Variants in APBB1 observed in about 807,000 individuals in gnomAD.
The protein encoded by APBB1 is amyloid beta precursor protein binding family B member 1.
Under a neutral mutation model 78.4 loss-of-function variants are expected in APBB1, and 22 were observed. The observed-to-expected ratio is 0.28, with a 90% CI of 0.20 to 0.40. The LOEUF is 0.40. Ranked by LOEUF, APBB1 falls within the 10% of genes least tolerant of loss-of-function variation. The probability of loss-of-function intolerance (pLI) is 1.00; values close to 1 mark genes in which losing one functional copy is unlikely to be tolerated. For synonymous variants in APBB1, 369 were observed against 372.7 expected, an observed-to-expected ratio of 0.99 and a Z score of 0.12; for missense variants, 749 against 932.4, an observed-to-expected ratio of 0.80 and a Z score of 2.56.
Position 6,395,991 on chromosome 11 carries a change from A to G in APBB1, c.1789-29T>C. ...CATGGAGGGAACTCAGTTAAAAAGG[A>G]ACACCAACCCCACACTGTGTTCCAC... On this transcript the variant is annotated intron_variant, in intron 13 of 14. Transcript: ENST00000609360. This position sits in a 1 kb window ranked among gnomAD's most constrained non-coding sequence, Gnocchi z 5.2. 1 of 1,609,922 alleles carries G rather than the reference A, an allele frequency of 6.2e-7. No homozygotes were observed. Among genetic ancestry groups the G allele is most frequent in the African/African-American group, 1.3e-5 (1 of 74,930 alleles).
Position 6,402,308 on chromosome 11 carries a change from C to T in APBB1, c.1255-99G>A, listed in dbSNP as rs373658938. On this transcript the variant is annotated intron_variant, in intron 7 of 14. Transcript: ENST00000609360. ...GGGGATGTTAGCCACAGCTCTGGGG[C>T]CCCTGCTTTGGTGTCAGACCGCCCG... is the stretch of plus-strand genomic sequence containing the variant. 2.9e-5 allele frequency: 44 copies of T among 1,535,830 alleles called. 2 individuals are homozygous for T. Among genetic ancestry groups the T allele is most frequent in the South Asian group, 2.1e-4 (17 of 80,870 alleles).
At chr11:6,406,252 A>ATTCC (rs951898507) in intron 2 of APBB1, among the ~76,000 whole-genome samples, 2 of 152,214 alleles carry the variant, frequency 1.3e-5, no homozygotes, top group Non-Finnish European at 2.9e-5. Flanking sequence ...TTCACGTATC[A>ATTCC]TTCCTTCCTT....
rs575960666 is a variant in APBB1, at chr11:6,396,767, A to G, written c.1673-552T>C. Among the ~76,000 whole-genome samples, 6 of 152,336 alleles carry G rather than the reference A, an allele frequency of 3.9e-5. No homozygotes were observed. In the East Asian group the frequency reaches 1.2e-3, roughly 29 times the overall value. ...TTACAAATAAGGAAACGGAAGAGAT[A>G]GGTAATATGCCTTAGGTCACATCGA... On this transcript the variant is annotated intron_variant, in intron 12 of 14. Coordinates refer to ENST00000609360, the MANE Select transcript of APBB1 (RefSeq NM_001164.5).
At chr11:6,402,398 G>A in intron 7 of APBB1, 178 bp downstream of exon 7, 1 of 1,103,602 alleles carries the variant, frequency 9.1e-7, no homozygotes, top group Non-Finnish European at 1.3e-6. Flanking sequence ...CCGTTGTTAG[G>A]CGACTATCTC....
In APBB1 at chr11:6,402,113, G is replaced by A. The variant is rs200508948; in HGVS notation, c.1351C>T (p.Arg451Cys). ...LLHAQPIISIRVWGVGRDSGR... is the reference protein window; with the variant it reads ...LLHAQPIISICVWGVGRDSGR... Reference sequence around the variant, plus strand: ...CTGTCCCGCCCGACGCCCCACACGCGGATGCTGATGATGGGTTGGGCGTGC... The same window carrying A: ...CTGTCCCGCCCGACGCCCCACACGCAGATGCTGATGATGGGTTGGGCGTGC... Residue 451 changes from arginine to cysteine, a missense_variant, in exon 8 of 15, where the codon CGC becomes TGC. Around this residue, in one of 3 missense-constraint regions of APBB1, gnomAD observed 635 missense variants for 765.0 expected, o/e 0.83. Transcript: ENST00000609360. 8.4e-5 allele frequency: 135 copies of A among 1,613,966 alleles called. No individual in the cohort carries two copies. The highest frequency in any genetic ancestry group is 1.0e-4 in the Non-Finnish European group (119 of 1,180,020).
At chr11:6,400,477 G>A (rs1262949238) in intron 12 of APBB1, among the ~76,000 whole-genome samples, 1 of 151,950 alleles carries the variant, frequency 6.6e-6, no homozygotes, top group African/African-American at 2.4e-5. Context: ...AGGAGGCGGA[G>A]GTTGCAGTGA....
At chr11:6,404,515 C>G in intron 2 of APBB1, 2 of 1,452,860 alleles carry the variant, frequency 1.4e-6, no homozygotes, top group Non-Finnish European at 9.3e-7. Flanking sequence ...ACGTCAAACC[C>G]TGCCAAATGT....
At chr11:6,405,476 G>A (rs1033192978) in intron 2 of APBB1, 12 of 986,598 alleles carry the variant, frequency 1.2e-5, no homozygotes, top group Admixed American at 6.1e-5. Flanking sequence ...CGTGCTTCCC[G>A]TTACCAGGGA....
intron 2 of APBB1, among the ~76,000 whole-genome samples, chr11:6,407,366 G>T: frequency 6.6e-6 from 1 of 152,088 alleles, no homozygotes; most frequent in South Asian, 2.1e-4. Context: ...AAGCTTCATA[G>T]GTAGTTCAGA....
rs1168271857 is a variant in APBB1, at chr11:6,411,741, C to T, written c.-14-380G>A. Among the ~76,000 whole-genome samples, 5 of 152,190 alleles carry T rather than the reference C, an allele frequency of 3.3e-5. No individual in the cohort carries two copies. The highest frequency in any genetic ancestry group is 7.4e-5 in the Non-Finnish European group (5 of 68,016). Reference sequence around the variant, plus strand: ...GAACACCACTAGAGTGGGACCGGCTCGTGTGTTTTGGACACTGATCACTGA... The same window carrying T: ...GAACACCACTAGAGTGGGACCGGCTTGTGTGTTTTGGACACTGATCACTGA... On this transcript the variant is annotated intron_variant, in intron 1 of 14. Transcript: ENST00000609360. The surrounding 1 kb of genome is among the most constrained non-coding windows in gnomAD (Gnocchi z 5.2).
At chr11:6,399,678 A>C (rs1245188402) in intron 12 of APBB1, among the ~76,000 whole-genome samples, 4 of 152,324 alleles carry the variant, frequency 2.6e-5, no homozygotes, top group African/African-American at 9.6e-5. Context: ...GAGCTTTCAA[A>C]ATTCAAATCT....
At chr11:6,407,795 C>T (rs374515636) in intron 2 of APBB1, among the ~76,000 whole-genome samples, 2,059 of 133,764 alleles carry the variant, frequency 0.015, 49 homozygotes, top group African/African-American at 0.057. Flanking sequence ...TTTTTTGAGA[C>T]GGAGTCTCGC....
rs1387439685 is a variant in APBB1 at position 6,395,816 on chromosome 11, G to A, written c.1935C>T (p.Ser645=). ...HMFWCEPNAA[S]LSEAVQAACM... ...ACGCAGCCTGCACAGCCTCTGAGAG[G>A]CTGGCAGCATTGGGCTCGCACCAGA... The change falls in exon 14 of 15, where the codon AGC becomes AGT. Residue 645 remains serine (S), a synonymous_variant. Coordinates refer to ENST00000609360, the MANE Select transcript of APBB1 (RefSeq NM_001164.5). This position sits in a 1 kb window ranked among gnomAD's most constrained non-coding sequence, Gnocchi z 5.2. 6 of 1,613,968 alleles carry A rather than the reference G, an allele frequency of 3.7e-6. No individual in the cohort carries two copies. Among genetic ancestry groups the A allele is most frequent in the Non-Finnish European group, 5.1e-6 (6 of 1,180,016 alleles).
upstream of APBB1, chr11:6,419,357 C>A: frequency 4.9e-6 from 1 of 204,580 alleles, no homozygotes; most frequent in Non-Finnish European, 9.7e-6. Flanking sequence ...CTGCGCGCCC[C>A]GCAGCGCCCT....
At position 6,416,745 on chromosome 11, in the gene APBB1, C is replaced by CT. The variant is rs777458150; in HGVS notation, c.-15+2239dup. ...GACAAAGACCTTAAGACAAAATTCCCTTTTTTTTTTTTTTGCGATGGAGTC... is the reference window on the plus strand; with the variant it reads ...GACAAAGACCTTAAGACAAAATTCCCTTTTTTTTTTTTTTTGCGATGGAGTC... On this transcript the variant is annotated intron_variant, in intron 1 of 14. Coordinates refer to ENST00000609360, the MANE Select transcript of APBB1 (RefSeq NM_001164.5). Among the ~76,000 whole-genome samples the CT allele has an allele frequency of 5.7e-3, 812 of 142,820 alleles. 9 individuals carry two copies. The highest frequency in any genetic ancestry group is 9.9e-3 in the East Asian group (49 of 4,960). 93.7% of individuals were successfully genotyped at this position (142,820 alleles called of 152,430 possible).
rs970582852 is a variant in APBB1, at chr11:6,395,185, G to A, written c.*349C>T. ...AGCAGAGGTGCCCATGGAGCAGGGG[G>A]AAGGGACCCATGCCTGGACCAGTCC... On this transcript the variant is annotated 3_prime_UTR_variant, in exon 15 of 15. Coordinates refer to ENST00000609360, the MANE Select transcript of APBB1 (RefSeq NM_001164.5). This position sits in a 1 kb window ranked among gnomAD's most constrained non-coding sequence, Gnocchi z 5.2. The A allele has an allele frequency of 7.8e-6, 2 of 255,562 alleles. No homozygotes were observed. Among genetic ancestry groups the A allele is most frequent in the Non-Finnish European group, 1.5e-5 (2 of 133,348 alleles). 15.8% of individuals were successfully genotyped at this position (255,562 alleles called of 1,614,324 possible).
At chr11:6,405,802 G>C (rs1848778985) in intron 2 of APBB1, 1 of 503,094 alleles carries the variant, frequency 2.0e-6, no homozygotes, top group Non-Finnish European at 2.6e-6. Flanking sequence ...CTGAAACTTA[G>C]CTGAGGCTCA....
At chr11:6,417,628 G>A (rs1849153090) in intron 1 of APBB1, among the ~76,000 whole-genome samples, 1 of 152,212 alleles carries the variant, frequency 6.6e-6, no homozygotes, top group Admixed American at 6.5e-5. Flanking sequence ...AAGAGGGTAT[G>A]CTATTAAAGT....
At chr11:6,399,735 C>T (rs1848405526) in intron 12 of APBB1, among the ~76,000 whole-genome samples, 2 of 152,152 alleles carry the variant, frequency 1.3e-5, no homozygotes, top group Admixed American at 6.5e-5. Flanking sequence ...TCCTTGCTGC[C>T]CTTAGGATGA....
Sources: allele counts gnomAD v4.1 joint callset (sites outside exome capture counted in the v4.1 genomes callset), GRCh38; gene constraint gnomAD v4.1.1; regional missense constraint gnomAD v4.1.1; non-coding constraint Gnocchi (gnomAD v3.1); transcripts MANE v1.5; gene names NCBI Gene and HGNC (gene_info 2026-07-23, HGNC 2026-07-21).